Variants in GPHN observed in about 807,000 individuals in gnomAD.
GPHN encodes the protein gephyrin.
A neutral mutation model predicts 95.5 loss-of-function variants in GPHN; 17 were observed. The ratio of observed to expected loss-of-function variants is 0.18; its 90% CI spans 0.12 to 0.27. The LOEUF is 0.27. GPHN is among the 10% of genes least tolerant of loss of function. GPHN has a pLI of 1.00. For missense variants in GPHN, 660 were observed against 978.1 expected (o/e 0.67, Z 4.34); for synonymous variants, 320 against 322.5 (o/e 0.99, Z 0.08).
chr14:67,106,731 C>T (rs574103951), intron 13 of GPHN, among the ~76,000 whole-genome samples: 38 of 152,020 alleles, frequency 2.5e-4, no homozygotes, highest in Admixed American at 1.0e-3. Flanking sequence ...GTTGAATTAT[C>T]GCTAGGTTTT....
At chr14:67,209,538 G>C in the GPHN span, among the ~76,000 whole-genome samples, 2,911 of 152,176 alleles carry the variant, frequency 0.019, 38 homozygotes, top group Middle Eastern at 0.034. Context: ...AAGCATAATA[G>C]GCCGGGTGTG....
the GPHN span, among the ~76,000 whole-genome samples, chr14:67,582,757 T>G: frequency 6.6e-6 from 1 of 152,106 alleles, no homozygotes; most frequent in Non-Finnish European, 1.5e-5. This position sits in a 1 kb window ranked among gnomAD's most constrained non-coding sequence, Gnocchi z 5.0. Flanking sequence ...GAATCACTTG[T>G]ACCTGGGAGG....
At chr14:66,615,644 A>T (rs2062979878) in intron 1 of GPHN, among the ~76,000 whole-genome samples, 1 of 147,488 alleles carries the variant, frequency 6.8e-6, no homozygotes, top group African/African-American at 2.5e-5. Context: ...AGATTGCAAA[A>T]ATTTTCTCCC....
At chr14:67,727,044 T>C in the GPHN span, 1 of 1,613,922 alleles carries the variant, frequency 6.2e-7, no homozygotes, top group Non-Finnish European at 8.5e-7. Context: ...GCACGGGTGG[T>C]TAATGTGTCC....
At chr14:67,267,115 C>CAAAT in the GPHN span, among the ~76,000 whole-genome samples, 1 of 151,796 alleles carries the variant, frequency 6.6e-6, no homozygotes, top group African/African-American at 2.4e-5. Flanking sequence ...CTCAAACAAA[C>CAAAT]AAATAAATAA....
chr14:67,373,773 G>A, the GPHN span, among the ~76,000 whole-genome samples: 2 of 152,008 alleles, frequency 1.3e-5, no homozygotes, highest in African/African-American at 2.4e-5. Flanking sequence ...TCAAGAAGAT[G>A]TTTAAGCACC....
At chr14:66,822,037 T>C (rs1358250829) in intron 3 of GPHN, among the ~76,000 whole-genome samples, 1 of 152,176 alleles carries the variant, frequency 6.6e-6, no homozygotes, top group Admixed American at 6.5e-5. Flanking sequence ...CTGCAACCTC[T>C]GCCTCCCTGG....
At chr14:67,065,669 T>A (rs192409760) in intron 11 of GPHN, among the ~76,000 whole-genome samples, 2 of 152,314 alleles carry the variant, frequency 1.3e-5, no homozygotes, top group East Asian at 3.9e-4. Flanking sequence ...CATTGATCCC[T>A]TTACCATTAT....
intron 16 of GPHN, among the ~76,000 whole-genome samples, chr14:67,118,172 C>T (rs779493908): frequency 6.6e-6 from 1 of 152,046 alleles, no homozygotes; most frequent in African/African-American, 2.4e-5. Flanking sequence ...ACATGTATAC[C>T]TCGTGTATAT....
At chr14:66,704,144 A>G (rs995429794) in intron 2 of GPHN, among the ~76,000 whole-genome samples, 2 of 152,178 alleles carry the variant, frequency 1.3e-5, no homozygotes, top group African/African-American at 2.4e-5. Context: ...TATGCACCCA[A>G]TACAGGTGCA....
intron 9 of GPHN, among the ~76,000 whole-genome samples, chr14:66,997,606 G>A (rs998364559): frequency 2.0e-5 from 3 of 152,038 alleles, no homozygotes; most frequent in Non-Finnish European, 4.4e-5. Context: ...CAGAACCAGA[G>A]GCAGAATACC....
intron 2 of GPHN, among the ~76,000 whole-genome samples, chr14:66,700,059 G>A (rs964616487): frequency 7.9e-5 from 12 of 152,130 alleles, no homozygotes; most frequent in African/African-American, 2.7e-4. Context: ...AATTAAAATT[G>A]TGTGTCTTAT....
At chr14:67,312,540 C>T in the GPHN span, 1 of 1,580,222 alleles carries the variant, frequency 6.3e-7, no homozygotes, top group Non-Finnish European at 8.6e-7. Context: ...CATGTAAAAG[C>T]TCATTTTGAC....
intron 6 of GPHN, among the ~76,000 whole-genome samples, chr14:66,920,824 C>T (rs554324651): frequency 6.6e-6 from 1 of 152,206 alleles, no homozygotes; most frequent in South Asian, 2.1e-4. Context: ...GCTTAGCTCC[C>T]ACATATCAGT....
chr14:67,001,793 TG>T (rs1353373981), intron 9 of GPHN, among the ~76,000 whole-genome samples: 1 of 151,742 alleles, frequency 6.6e-6, no homozygotes, highest in Non-Finnish European at 1.5e-5. Flanking sequence ...AAGCAGCTCA[TG>T]GTCATATATT....
intron 17 of GPHN, among the ~76,000 whole-genome samples, chr14:67,138,218 T>C (rs2080216380): frequency 6.6e-6 from 1 of 152,190 alleles, no homozygotes; most frequent in Non-Finnish European, 1.5e-5. Flanking sequence ...ACTGCCTTCC[T>C]CACAGAGTTG....
chr14:67,519,855 T>G, the GPHN span, among the ~76,000 whole-genome samples: 2 of 152,168 alleles, frequency 1.3e-5, no homozygotes, highest in Non-Finnish European at 2.9e-5. Context: ...CCCATGTAGC[T>G]GGGACTACAG....
chr14:66,889,265 A>G (rs2064351193), intron 5 of GPHN, among the ~76,000 whole-genome samples: 1 of 152,202 alleles, frequency 6.6e-6, no homozygotes, highest in Non-Finnish European at 1.5e-5. Flanking sequence ...CCACATATAT[A>G]AAACACTTCA....
chr14:66,812,806 A>G (rs1441265482), intron 3 of GPHN, among the ~76,000 whole-genome samples: 1 of 152,170 alleles, frequency 6.6e-6, no homozygotes, highest in East Asian at 1.9e-4. Context: ...TGTGTTTGGG[A>G]AGTTTTTACA....
Sources: gnomAD v4.1 joint callset for allele counts (sites outside exome capture counted in the v4.1 genomes callset) on GRCh38, gnomAD v4.1.1 for gene constraint, Gnocchi (gnomAD v3.1) non-coding constraint, MANE v1.5 for transcripts, NCBI Gene and HGNC (gene_info 2026-07-23, HGNC 2026-07-21) for gene names.